PRDM16: variants seen among roughly 807,000 people sequenced by gnomAD.
PRDM16 encodes PR/SET domain 16.
In PRDM16, 23 loss-of-function variants were observed where a neutral mutation model predicts 110.6. The observed-to-expected ratio is 0.21, with a 90% CI of 0.15 to 0.29. PRDM16 has a LOEUF of 0.29. Ranked by LOEUF, PRDM16 falls within the 10% of genes least tolerant of loss-of-function variation. The probability of loss-of-function intolerance (pLI) is 1.00; values close to 1 mark genes in which losing one functional copy is unlikely to be tolerated. For synonymous variants in PRDM16, 799 were observed against 781.8 expected (o/e 1.02, Z -0.37); for missense variants, 1,615 against 1,794.3 (o/e 0.90, Z 1.81).
chr1:3,328,530 C>G (rs1159890989), intron 3 of PRDM16, among the ~76,000 whole-genome samples: 1 of 152,140 alleles, frequency 6.6e-6, no homozygotes, highest in Admixed American at 6.5e-5. Context: ...CCTGTGGGTT[C>G]AAAGGGCACG....
Position 3,411,997 on chromosome 1 carries a change from C to A in PRDM16, c.1800C>A (p.Asp600Glu), listed in dbSNP as rs375279095. 6.2e-7 allele frequency: 1 copy of A among 1,613,598 alleles called. No homozygotes were observed. The highest frequency in any genetic ancestry group is 8.5e-7 in the Non-Finnish European group (1 of 1,179,960). The change falls in exon 9 of 17, where the codon GAC (aspartate) becomes GAA (glutamate). Residue 600 changes from aspartate to glutamate, a missense_variant. Physicochemically the swap from Asp to Glu is conservative, Grantham distance 45 (BLOSUM62 2). Transcript: ENST00000270722. ...AGACCAGGAGCAGCGACATGTCGGACGGCAGTGACTTTGAGGACGTCAACA... is the reference window on the plus strand; with the variant it reads ...AGACCAGGAGCAGCGACATGTCGGAAGGCAGTGACTTTGAGGACGTCAACA... Reference protein sequence around the residue: ...KLKTRSSDMSDGSDFEDVNTT... With the variant: ...KLKTRSSDMSEGSDFEDVNTT...
chr1:3,280,342 T>A (rs1640686567), intron 3 of PRDM16, among the ~76,000 whole-genome samples: 1 of 152,256 alleles, frequency 6.6e-6, no homozygotes, highest in Non-Finnish European at 1.5e-5. Context: ...TCAGGGGACA[T>A]GTCTTCAAGT....
At chr1:3,182,086 C>G (rs980532582) in intron 1 of PRDM16, among the ~76,000 whole-genome samples, 1 of 152,266 alleles carries the variant, frequency 6.6e-6, no homozygotes, top group African/African-American at 2.4e-5. Context: ...GGCCGCCCTT[C>G]CCTGCCAGCC....
intron 3 of PRDM16, among the ~76,000 whole-genome samples, chr1:3,351,644 A>G (rs965305108): frequency 5.9e-4 from 1 of 1,706 alleles, no homozygotes; most frequent in Non-Finnish European, 1.1e-3. Flanking sequence ...CTCTCTCTCC[A>G]TCTCTCTCTC....
intron 3 of PRDM16, among the ~76,000 whole-genome samples, chr1:3,314,363 GTC>G (rs1641547727): frequency 6.6e-6 from 1 of 152,188 alleles, no homozygotes; most frequent in African/African-American, 2.4e-5. Context: ...GAGAGATGGT[GTC>G]TCTGTACCGA....
At chr1:3,133,200 C>T (rs1643369822) in intron 1 of PRDM16, 1 of 152,252 alleles carries the variant, frequency 6.6e-6, no homozygotes, top group African/African-American at 2.4e-5. Flanking sequence ...ACTCAGGTTC[C>T]AGGGCAGGAG....
At chr1:3,109,753 G>T (rs1244855561) in intron 1 of PRDM16, among the ~76,000 whole-genome samples, 1 of 152,222 alleles carries the variant, frequency 6.6e-6, no homozygotes, top group Non-Finnish European at 1.5e-5. Flanking sequence ...GAGTTATTAC[G>T]GGGTCTCAAA....
intron 1 of PRDM16, among the ~76,000 whole-genome samples, chr1:3,150,134 C>T (rs897429570): frequency 2.0e-5 from 3 of 152,206 alleles, no homozygotes; most frequent in African/African-American, 4.8e-5. Flanking sequence ...AACGCACAGG[C>T]GAACTTTACA....
chr1:3,355,912 C>A (rs1343657174), intron 3 of PRDM16, among the ~76,000 whole-genome samples: 2 of 152,110 alleles, frequency 1.3e-5, no homozygotes, highest in Non-Finnish European at 2.9e-5. Context: ...CAAACACCCC[C>A]CAAACACCCT....
At chr1:3,258,269 C>T (rs969928554) in intron 3 of PRDM16, among the ~76,000 whole-genome samples, 1 of 152,158 alleles carries the variant, frequency 6.6e-6, no homozygotes, top group African/African-American at 2.4e-5. Context: ...TTCCTCTTCT[C>T]ATCTGTTATC....
intron 3 of PRDM16, among the ~76,000 whole-genome samples, chr1:3,351,593 TC>T (rs1642489177): frequency 5.1e-4 from 1 of 1,956 alleles, no homozygotes; most frequent in African/African-American, 3.3e-3. Flanking sequence ...CCTCCCTCTC[TC>T]TTCCCCTCCC....
In PRDM16 at chr1:3,109,873, A is replaced by G. The variant is rs138678693; in HGVS notation, c.37+40577A>G. 7.6e-3 allele frequency among the ~76,000 whole-genome samples: 1,165 copies of G among 152,348 alleles called. 16 individuals carry two copies. Among genetic ancestry groups the G allele is most frequent in the African/African-American group, 0.025 (1,055 of 41,574 alleles). ...TGTGTTGGATATGGGCTCAGCTGGC[A>G]TCACCTCTTTCCAGACACAGACACA... On this transcript the variant is annotated intron_variant, in intron 1 of 16. Transcript: ENST00000270722.
Position 3,186,259 on chromosome 1 carries a change from G to C in PRDM16, c.172G>C (p.Glu58Gln). The C allele has an allele frequency of 6.2e-7, 1 of 1,612,222 alleles. No homozygotes were observed. Among genetic ancestry groups the C allele is most frequent in the South Asian group, 1.1e-5 (1 of 91,014 alleles). Residue 58 changes from glutamate (E) to glutamine (Q), a missense_variant, in exon 2 of 17, where the codon GAG becomes CAG. This residue lies in a region of PRDM16 where 416 missense variants were observed against 467.1 expected (regional missense o/e 0.89). Coordinates refer to ENST00000270722, the MANE Select transcript of PRDM16 (RefSeq NM_022114.4). ...VGPPSPFPTS[E>Q]DFTPKEGSPY... The stretch of plus-strand genomic sequence containing the variant: ...GCCACCGTCCCCCTTCCCCACCAGC[G>C]AGGACTTCACCCCCAAGGAGGGCTC...
intron 3 of PRDM16, among the ~76,000 whole-genome samples, chr1:3,277,398 C>A (rs577133265): frequency 6.6e-6 from 1 of 152,342 alleles, no homozygotes; most frequent in Admixed American, 6.5e-5. Context: ...CTGCAGGGAA[C>A]CCCCAAGCCC....
At chr1:3,302,872 G>A (rs962326350) in intron 3 of PRDM16, among the ~76,000 whole-genome samples, 3 of 152,134 alleles carry the variant, frequency 2.0e-5, no homozygotes, top group Non-Finnish European at 2.9e-5. Flanking sequence ...TTCACCCCTC[G>A]GTGCAAGTCC....
At chr1:3,130,799 T>TA (rs1288682604) in intron 1 of PRDM16, among the ~76,000 whole-genome samples, 24 of 147,806 alleles carry the variant, frequency 1.6e-4, no homozygotes, top group African/African-American at 5.8e-4. Context: ...GGGGGGCTGT[T>TA]TTTTTTTTTT....
At chr1:3,100,633 G>A (rs952200824) in intron 1 of PRDM16, among the ~76,000 whole-genome samples, 1 of 152,194 alleles carries the variant, frequency 6.6e-6, no homozygotes, top group Non-Finnish European at 1.5e-5. Context: ...GGCATTTGAC[G>A]CTGCCGCCTG....
At chr1:3,179,185 T>G (rs952416024) in intron 1 of PRDM16, among the ~76,000 whole-genome samples, 4 of 152,252 alleles carry the variant, frequency 2.6e-5, no homozygotes, top group African/African-American at 7.2e-5. Context: ...GCCTGATGGT[T>G]GTGGGGAATG....
At chr1:3,137,745 C>T (rs1390187228) in intron 1 of PRDM16, among the ~76,000 whole-genome samples, 4 of 152,256 alleles carry the variant, frequency 2.6e-5, no homozygotes, top group Non-Finnish European at 5.9e-5. Context: ...GCCTGCTCTT[C>T]GCAGAGTGCC....
Sources: gnomAD v4.1 joint callset for allele counts (sites outside exome capture counted in the v4.1 genomes callset) on GRCh38, gnomAD v4.1.1 for gene constraint, gnomAD v4.1.1 regional missense constraint, MANE v1.5 for transcripts, NCBI Gene and HGNC (gene_info 2026-07-23, HGNC 2026-07-21) for gene names.